PRKCH: variants seen among roughly 807,000 people sequenced by gnomAD.
The protein encoded by PRKCH is protein kinase C eta.
Under a neutral mutation model 82.5 loss-of-function variants are expected in PRKCH, and 28 were observed. The observed-to-expected ratio is 0.34, with a 90% confidence interval of 0.25 to 0.47. The LOEUF is 0.47. PRKCH is among the 20% of genes least tolerant of loss of function. The pLI, the probability that PRKCH is intolerant of heterozygous loss-of-function variation, is 1.00. For missense variants in PRKCH, 705 were observed against 881.8 expected (o/e 0.80, Z 2.54); for synonymous variants, 322 against 327.4 (o/e 0.98, Z 0.18).
At chr14:61,212,978 T>C (rs2044593218) in intron 1 of PRKCH, among the ~76,000 whole-genome samples, 1 of 152,092 alleles carries the variant, frequency 6.6e-6, no homozygotes, top group African/African-American at 2.4e-5. Context: ...TTTTTCAGGG[T>C]TGAGCTAATT....
At chr14:61,264,643 TAG>T (rs1171598433) in intron 1 of PRKCH, among the ~76,000 whole-genome samples, 1 of 152,104 alleles carries the variant, frequency 6.6e-6, no homozygotes, top group African/African-American at 2.4e-5. Context: ...TGAAAGCACA[TAG>T]AGATTTAGTG....
chr14:61,336,906 TA>T (rs1269716250), intron 1 of PRKCH, among the ~76,000 whole-genome samples: 2 of 151,716 alleles, frequency 1.3e-5, no homozygotes, highest in Non-Finnish European at 2.9e-5. Flanking sequence ...CTGTCTCTAC[TA>T]AAAATACAAA....
rs17098612 is a variant in PRKCH, at chr14:61,508,236, T to G, written c.1434-20839T>G. On this transcript the variant is annotated intron_variant, in intron 10 of 13. Coordinates refer to ENST00000332981, the MANE Select transcript of PRKCH (RefSeq NM_006255.5). ...CCACAGCTCACAAAATGCCCATGATTGCTGATTTGATTAAAACAACTGTAC... is the reference window on the plus strand; with the variant it reads ...CCACAGCTCACAAAATGCCCATGATGGCTGATTTGATTAAAACAACTGTAC... Among the ~76,000 whole-genome samples the G allele has an allele frequency of 3.9e-3, 587 of 152,276 alleles. 3 individuals carry two copies. Among genetic ancestry groups the G allele is most frequent in the African/African-American group, 0.014 (571 of 41,510 alleles).
intron 1 of PRKCH, among the ~76,000 whole-genome samples, chr14:61,261,862 A>G (rs543085748): frequency 2.0e-5 from 3 of 152,306 alleles, no homozygotes; most frequent in African/African-American, 4.8e-5. Flanking sequence ...CAACTCAGCA[A>G]TTCCAGTCCT....
intron 2 of PRKCH, among the ~76,000 whole-genome samples, chr14:61,409,486 C>T (rs1428049771): frequency 6.6e-6 from 1 of 151,496 alleles, no homozygotes; most frequent in East Asian, 1.9e-4. Flanking sequence ...TGCTTGAGCC[C>T]AGGAGTTCAA....
chr14:61,199,044 T>C (rs2044460652), intron 1 of PRKCH, among the ~76,000 whole-genome samples: 2 of 152,064 alleles, frequency 1.3e-5, no homozygotes, highest in Non-Finnish European at 2.9e-5. Context: ...AAAGCAATTA[T>C]CTGAAAGGAA....
chr14:61,270,557 A>G (rs2045142294), intron 1 of PRKCH, among the ~76,000 whole-genome samples: 1 of 152,204 alleles, frequency 6.6e-6, no homozygotes, highest in African/African-American at 2.4e-5. Flanking sequence ...CAACTTAAAG[A>G]AAACACATTT....
rs181010570 is a variant in PRKCH, at chr14:61,212,314, C to T, written c.-19+24646C>T. Among the ~76,000 whole-genome samples, 63 of 152,288 alleles carry T rather than the reference C, an allele frequency of 4.1e-4. 1 individual carries two copies. The highest frequency in any genetic ancestry group is 1.4e-3 in the African/African-American group (59 of 41,548). On this transcript the variant is annotated intron_variant, in intron 1 of 3. Transcript: ENST00000555185. The stretch of plus-strand genomic sequence containing the variant: ...AATACTGTCGAATGGATGGACTTTC[C>T]TGTTGCAGAGCGGTTGTAACTATGC...
intron 1 of PRKCH, among the ~76,000 whole-genome samples, chr14:61,233,719 T>C (rs2044763490): frequency 6.6e-6 from 1 of 152,158 alleles, no homozygotes; most frequent in Admixed American, 6.5e-5. Flanking sequence ...ATAAGGGGCT[T>C]TTCCCCTTGA....
At chr14:61,447,945 G>A (rs1264921130) in intron 4 of PRKCH, among the ~76,000 whole-genome samples, 2 of 152,060 alleles carry the variant, frequency 1.3e-5, no homozygotes, top group Non-Finnish European at 2.9e-5. Flanking sequence ...AATACAATTA[G>A]AACAGAAATC....
Position 61,346,134 on chromosome 14 carries a change from A to T in PRKCH, c.363+23670A>T, listed in dbSNP as rs553041411. Among the ~76,000 whole-genome samples the T allele has an allele frequency of 2.6e-5, 4 of 152,300 alleles. No individual in the cohort carries two copies. In the East Asian group the frequency reaches 7.7e-4, roughly 29 times the overall value. On this transcript the variant is annotated intron_variant, in intron 1 of 13. Coordinates refer to ENST00000332981, the MANE Select transcript of PRKCH (RefSeq NM_006255.5). ...GTTGTGTGTGCATCTGCAGCAGATG[A>T]CAGCTCCCCAAATGGACATGCCTCC...
intron 1 of PRKCH, among the ~76,000 whole-genome samples, chr14:61,215,785 A>G (rs1390961345): frequency 6.6e-6 from 1 of 152,208 alleles, no homozygotes; most frequent in Non-Finnish European, 1.5e-5. Context: ...ATGTTGCAAT[A>G]AAGCGTTGGC....
intron 1 of PRKCH, among the ~76,000 whole-genome samples, chr14:61,216,806 T>C (rs1021926600): frequency 6.6e-6 from 1 of 152,044 alleles, no homozygotes; most frequent in African/African-American, 2.4e-5. Context: ...AGTAAGGTAA[T>C]TTTTAAAAAA....
chr14:61,378,439 C>G (rs1488760819), intron 1 of PRKCH, among the ~76,000 whole-genome samples: 6 of 152,028 alleles, frequency 3.9e-5, no homozygotes, highest in Admixed American at 6.6e-5. Context: ...GCTCTGGCCT[C>G]AAGTGATCTT....
intron 1 of PRKCH, among the ~76,000 whole-genome samples, chr14:61,200,576 A>T (rs1245038826): frequency 6.6e-6 from 1 of 152,192 alleles, no homozygotes; most frequent in East Asian, 1.9e-4. Flanking sequence ...CTTCTCCTCA[A>T]AATTGACCAT....
intron 1 of PRKCH, among the ~76,000 whole-genome samples, chr14:61,231,702 G>C (rs1214154168): frequency 6.6e-6 from 1 of 151,916 alleles, no homozygotes; most frequent in Non-Finnish European, 1.5e-5. Context: ...CCCGAAACTT[G>C]GCAGTGTGTG....
chr14:61,333,948 T>A (rs1041536345), intron 1 of PRKCH, among the ~76,000 whole-genome samples: 2 of 152,162 alleles, frequency 1.3e-5, no homozygotes, highest in Non-Finnish European at 2.9e-5. Flanking sequence ...TCCCATGGTC[T>A]GGGTCCCCGT....
intron 1 of PRKCH, among the ~76,000 whole-genome samples, chr14:61,264,321 A>G (rs1194349666): frequency 2.6e-5 from 4 of 152,214 alleles, no homozygotes; most frequent in African/African-American, 4.8e-5. Context: ...ATCTTGTTAC[A>G]TGGGTTGGAA....
chr14:61,349,621 G>C (rs1308265401), intron 1 of PRKCH, among the ~76,000 whole-genome samples: 2 of 152,122 alleles, frequency 1.3e-5, no homozygotes, highest in Non-Finnish European at 2.9e-5. Context: ...CCAGAACTTT[G>C]GGAGGCCGAG....
Sources: allele counts gnomAD v4.1 joint callset (sites outside exome capture counted in the v4.1 genomes callset), GRCh38; gene constraint gnomAD v4.1.1; transcripts MANE v1.5; gene names NCBI Gene and HGNC (gene_info 2026-07-23, HGNC 2026-07-21).